Variants in DUSP22 observed in about 807,000 individuals in gnomAD.
DUSP22 encodes dual specificity protein phosphatase 22.
A neutral mutation model predicts 24.5 loss-of-function variants in DUSP22; 24 were observed. The ratio of observed to expected loss-of-function variants is 0.98; its 90% CI spans 0.71 to 1.38. DUSP22 has a LOEUF of 1.38. DUSP22 is among the 40% of genes most tolerant of loss of function. DUSP22 has a pLI of 0.00. For missense variants in DUSP22, 330 were observed against 269.2 expected, an observed-to-expected ratio of 1.23 and a Z score of -1.58; for synonymous variants, 160 against 106.4, an observed-to-expected ratio of 1.50 and a Z score of -3.10.
chr6:293,532 G>A (rs2127386116), intron 1 of DUSP22, among the ~76,000 whole-genome samples: 1 of 152,384 alleles, frequency 6.6e-6, no homozygotes, highest in South Asian at 2.1e-4. Flanking sequence ...ATCTCTACAT[G>A]CCGTCAGCTT....
chr6:333,762 G>T (rs1279564807), intron 3 of DUSP22, among the ~76,000 whole-genome samples: 1 of 152,290 alleles, frequency 6.6e-6, no homozygotes, highest in African/African-American at 2.4e-5. Context: ...AAGAGCATGT[G>T]CTCTGCCCCC....
intron 4 of DUSP22, among the ~76,000 whole-genome samples, chr6:345,039 G>A (rs1759792480): frequency 6.6e-6 from 1 of 152,290 alleles, no homozygotes; most frequent in Non-Finnish European, 1.5e-5. Context: ...TGTGTTTCAG[G>A]GATTTCTTAC....
intron 3 of DUSP22, among the ~76,000 whole-genome samples, chr6:331,430 CT>C (rs1226477929): frequency 3.8e-3 from 579 of 151,998 alleles, no homozygotes; most frequent in African/African-American, 0.013. Flanking sequence ...ATTTTTATTG[CT>C]TTTTTTTTAA....
chr6:333,345 A>G (rs372202849), intron 3 of DUSP22, among the ~76,000 whole-genome samples: 5,228 of 150,884 alleles, frequency 0.035, 7 homozygotes, highest in Middle Eastern at 0.068. Flanking sequence ...ATAAACAGCA[A>G]TAAAGTTCAT....
At chr6:341,316 G>A (rs866309599) in intron 4 of DUSP22, among the ~76,000 whole-genome samples, 32 of 152,420 alleles carry the variant, frequency 2.1e-4, no homozygotes, top group Admixed American at 9.1e-4. Flanking sequence ...TGTGTTCATC[G>A]AAACAGCTTG....
At chr6:342,194 G>A (rs956439476) in intron 4 of DUSP22, among the ~76,000 whole-genome samples, 51 of 152,402 alleles carry the variant, frequency 3.3e-4, no homozygotes, top group African/African-American at 1.2e-3. Context: ...GTGTTCTGAC[G>A]TGCTCTGTGG....
intron 1 of DUSP22, among the ~76,000 whole-genome samples, chr6:300,926 T>C (rs927119399): frequency 6.6e-6 from 1 of 152,302 alleles, no homozygotes; most frequent in Admixed American, 6.5e-5. Flanking sequence ...TGAGAGCATT[T>C]CTGGGGCTAC....
intron 2 of DUSP22, among the ~76,000 whole-genome samples, 195 bp downstream of exon 2, chr6:304,856 C>G (rs958695582): frequency 1.3e-5 from 2 of 152,238 alleles, no homozygotes; most frequent in African/African-American, 2.4e-5. Flanking sequence ...CTCCCCATTC[C>G]TCTCCTCCCA....
intron 3 of DUSP22, among the ~76,000 whole-genome samples, chr6:318,816 A>G (rs1323964727): frequency 1.3e-5 from 2 of 152,298 alleles, no homozygotes; most frequent in Admixed American, 6.5e-5. Context: ...TATTCAGCAG[A>G]AGGGGAGTGG....
At chr6:334,878 G>A (rs188106828) in intron 3 of DUSP22, among the ~76,000 whole-genome samples, 23 of 152,418 alleles carry the variant, frequency 1.5e-4, no homozygotes, top group Admixed American at 1.3e-3. Context: ...TTTGAATTTT[G>A]CCTAAACCTA....
At chr6:337,309 G>A (rs1275093116) in intron 4 of DUSP22, 1 of 152,464 alleles carries the variant, frequency 6.6e-6, no homozygotes, top group Non-Finnish European at 1.5e-5. Flanking sequence ...TGCCCTCAGG[G>A]TTTTTGGAGG....
chr6:346,698 G>A (rs908958170), intron 5 of DUSP22, among the ~76,000 whole-genome samples: 8 of 9,064 alleles, frequency 8.8e-4, no homozygotes, highest in Non-Finnish European at 1.7e-3. Flanking sequence ...TGAATGAAGT[G>A]TGTTATTAAT....
chr6:337,794 C>T (rs759927468), intron 4 of DUSP22, among the ~76,000 whole-genome samples: 1 of 152,420 alleles, frequency 6.6e-6, no homozygotes, highest in Non-Finnish European at 1.5e-5. Flanking sequence ...TTAATTAGTT[C>T]TCTCCTATCC....
chr6:342,531 G>C (rs1759657273), intron 4 of DUSP22, among the ~76,000 whole-genome samples: 1 of 152,312 alleles, frequency 6.6e-6, no homozygotes, highest in Non-Finnish European at 1.5e-5. Flanking sequence ...CAGACCAGCA[G>C]TCTGGAGCCA....
intron 3 of DUSP22, among the ~76,000 whole-genome samples, chr6:316,332 C>T (rs1261736558): frequency 6.6e-6 from 1 of 152,302 alleles, no homozygotes; most frequent in Non-Finnish European, 1.5e-5. Flanking sequence ...GGCGGAAAAT[C>T]ATTGCCGCAT....
At chr6:311,719 A>G (rs560821968) in intron 2 of DUSP22, among the ~76,000 whole-genome samples, 161 bp from the exon 3 acceptor site, 1 of 152,398 alleles carries the variant, frequency 6.6e-6, no homozygotes, top group South Asian at 2.1e-4. Flanking sequence ...AAAATATATG[A>G]AAGCAGTAGC....
intron 2 of DUSP22, among the ~76,000 whole-genome samples, chr6:305,030 C>T (rs528159757): frequency 2.0e-5 from 3 of 152,422 alleles, no homozygotes; most frequent in East Asian, 3.8e-4. Context: ...GAATGGCCTT[C>T]CTTCTTAAAG....
chr6:348,059 G>A (rs1398940574), intron 5 of DUSP22, 44 bp from the exon 6 acceptor site: 1 of 1,609,298 alleles, frequency 6.2e-7, no homozygotes. Flanking sequence ...TGAACCCGGA[G>A]ATCTGAAACT....
intron 4 of DUSP22, among the ~76,000 whole-genome samples, chr6:337,403 T>C (rs1481580654): frequency 6.6e-6 from 1 of 152,304 alleles, no homozygotes; most frequent in East Asian, 1.9e-4. Context: ...TATATTAATG[T>C]ATCTTGAGAG....
Sources: gnomAD v4.1 joint callset for allele counts (sites outside exome capture counted in the v4.1 genomes callset) on GRCh38, gnomAD v4.1.1 for gene constraint, MANE v1.5 for transcripts, NCBI Gene and HGNC (gene_info 2026-07-23, HGNC 2026-07-21) for gene names.